GNB1: variants seen among roughly 807,000 people sequenced by gnomAD.
The protein encoded by GNB1 is guanine nucleotide-binding protein G(I)/G(S)/G(T) subunit beta-1.
GNB1 carries 2 observed loss-of-function variants against 42.9 expected under a neutral mutation model. That is an observed-to-expected ratio of 0.05 (90% CI 0.02 to 0.15). The LOEUF (loss-of-function observed/expected upper bound fraction) is 0.15, where lower values mean the gene tolerates loss of function less well. Among genes scored for constraint, GNB1 ranks in the 10% least tolerant of loss-of-function variants. The pLI is 1.00. For missense variants in GNB1, 193 were observed against 462.2 expected, an observed-to-expected ratio of 0.42 and a Z score of 5.34; for synonymous variants, 183 against 174.7, an observed-to-expected ratio of 1.05 and a Z score of -0.38.
Position 1,785,816 on chromosome 1 carries a change from A to G in GNB1, c.*1247T>C, listed in dbSNP as rs932268732. The G allele has an allele frequency of 3.3e-5, 10 of 304,894 alleles. No homozygotes were observed. Among genetic ancestry groups the G allele is most frequent in the Non-Finnish European group, 6.0e-5 (10 of 167,660 alleles). 18.9% of individuals were successfully genotyped at this position (304,894 alleles called of 1,614,324 possible). ...TTTGCAACAGAACTTTTTTTTTTTT[A>G]AAGAAATAAAGAAAACAGTGACTTA... On this transcript the variant is annotated 3_prime_UTR_variant, in exon 12 of 12. Transcript: ENST00000378609.
chr1:1,807,555 A>G (rs1031716992), intron 5 of GNB1, among the ~76,000 whole-genome samples: 3 of 151,226 alleles, frequency 2.0e-5, no homozygotes, highest in African/African-American at 7.3e-5. Context: ...CTCACCCAAA[A>G]TACCCCATGA....
At chr1:1,889,784 T>C (rs1650369340) in intron 1 of GNB1, among the ~76,000 whole-genome samples, 1 of 151,974 alleles carries the variant, frequency 6.6e-6, no homozygotes. Flanking sequence ...TTGAATCAAC[T>C]ATCGATTCAC....
intron 1 of GNB1, among the ~76,000 whole-genome samples, chr1:1,850,256 G>A (rs540666428): frequency 2.6e-5 from 4 of 151,984 alleles, no homozygotes; most frequent in South Asian, 4.2e-4. Flanking sequence ...TCAACCTCTC[G>A]AGTAGCTGGG....
At chr1:1,882,341 G>A (rs758600732) in intron 1 of GNB1, among the ~76,000 whole-genome samples, 71 of 147,738 alleles carry the variant, frequency 4.8e-4, no homozygotes, top group Non-Finnish European at 9.3e-4. Flanking sequence ...GGCAGGAGAA[G>A]CGCCTGAACC....
intron 7 of GNB1, among the ~76,000 whole-genome samples, chr1:1,804,180 C>G (rs1036823838): frequency 2.6e-5 from 4 of 151,608 alleles, no homozygotes; most frequent in African/African-American, 9.7e-5. Context: ...GCCTGTAGTC[C>G]CAGCTACTCA....
chr1:1,802,013 A>T (rs905890209), intron 7 of GNB1, among the ~76,000 whole-genome samples: 2 of 152,234 alleles, frequency 1.3e-5, no homozygotes, highest in Admixed American at 6.5e-5. Flanking sequence ...AGGGTCAATT[A>T]ATCACAAAGA....
intron 1 of GNB1, among the ~76,000 whole-genome samples, chr1:1,884,154 G>T: frequency 6.9e-6 from 1 of 144,654 alleles, no homozygotes. Flanking sequence ...TTTTTGAGAT[G>T]GAGTTTCCTT....
At chr1:1,878,829 C>T (rs1217476943) in intron 1 of GNB1, among the ~76,000 whole-genome samples, 1 of 152,158 alleles carries the variant, frequency 6.6e-6, no homozygotes, top group Non-Finnish European at 1.5e-5. Flanking sequence ...CTTCTCTCTC[C>T]GACTACTTTC....
chr1:1,827,355 C>G (rs776280732), intron 2 of GNB1, among the ~76,000 whole-genome samples: 1 of 152,198 alleles, frequency 6.6e-6, no homozygotes, highest in Non-Finnish European at 1.5e-5. Context: ...CACAGCAACA[C>G]GGTGTCAGAA....
intron 5 of GNB1, among the ~76,000 whole-genome samples, chr1:1,814,797 CAAAA>C (rs66588627): frequency 2.6e-5 from 2 of 77,610 alleles, no homozygotes. Flanking sequence ...GACCCTGTCT[CAAAA>C]AAAAAAAAAA....
intron 1 of GNB1, among the ~76,000 whole-genome samples, chr1:1,845,486 T>C (rs1028043653): frequency 2.6e-5 from 4 of 152,056 alleles, no homozygotes; most frequent in African/African-American, 9.7e-5. Context: ...GGCAGGAGAA[T>C]GGCGTGAACC....
rs999062423 is a variant in GNB1 at position 1,785,573 on chromosome 1, G to A, written c.*1490C>T. 1 of 168,496 alleles carries A rather than the reference G, an allele frequency of 5.9e-6. No homozygotes were observed. The highest frequency in any genetic ancestry group is 1.3e-5 in the Non-Finnish European group (1 of 79,314). The allele number at this position is 168,496 out of a possible 1,614,324, so 10.4% of individuals were successfully genotyped here. On this transcript the variant is annotated 3_prime_UTR_variant, in exon 12 of 12. Transcript: ENST00000378609. ...AGAAGCCACTACTGCTGCTATGAAG[G>A]AGTGCGGGGGGCGGGGCGGGGGGTC...
At position 1,790,279 on chromosome 1, in the gene GNB1, G is replaced by A. The variant is rs1258726695; in HGVS notation, c.699+116C>T. The A allele has an allele frequency of 8.5e-6, 6 of 708,568 alleles. No individual in the cohort carries two copies. The highest frequency in any genetic ancestry group is 1.8e-5 in the African/African-American group (1 of 56,888). 43.9% of individuals were successfully genotyped at this position (708,568 alleles called of 1,614,324 possible). ...TTTCTGTATCCCCATCTGTACATGA[G>A]GTTGTATAAGGATCAGAAAGGAGAA... On this transcript the variant is annotated intron_variant, in intron 9 of 11. Coordinates refer to ENST00000378609, the MANE Select transcript of GNB1 (RefSeq NM_002074.5). The surrounding 1 kb of genome is among the most constrained non-coding windows in gnomAD (Gnocchi z 5.4).
Position 1,787,588 on chromosome 1 carries a change from G to C in GNB1, c.917-151C>G, listed in dbSNP as rs549039199. On this transcript the variant is annotated intron_variant, in intron 10 of 11. Coordinates refer to ENST00000378609, the MANE Select transcript of GNB1 (RefSeq NM_002074.5). The surrounding 1 kb of genome is among the most constrained non-coding windows in gnomAD (Gnocchi z 4.4). ...GGAAGGGAGGGAAAGTTGCATCCAC[G>C]TGGGGAATTAACCTGCAGCATATGG... 3.6e-6 allele frequency: 2 copies of C among 560,236 alleles called. No individual in the cohort carries two copies. The highest frequency in any genetic ancestry group is 3.3e-5 in the Admixed American group (1 of 29,912). The allele number at this position is 560,236 out of a possible 1,614,324, so 34.7% of individuals were successfully genotyped here.
rs1378376035 is a variant in GNB1, at chr1:1,877,310, A to T, written c.-96+13510T>A. Among the ~76,000 whole-genome samples, 1,268 of 142,940 alleles carry T rather than the reference A, an allele frequency of 8.9e-3. 8 individuals are homozygous for T. The highest frequency in any genetic ancestry group is 0.014 in the Non-Finnish European group (912 of 64,992). 93.8% of individuals were successfully genotyped at this position (142,940 alleles called of 152,430 possible). A position where few individuals can be genotyped will look rare whatever the true frequency, so the allele number is the denominator to read the frequency against. On this transcript the variant is annotated intron_variant, in intron 1 of 11. Transcript: ENST00000378609. Reference sequence around the variant, plus strand: ...TGAGACTCTGTCTCAAAAAAAAAAAAAAAAAAATATATATATATATACACA... The same window carrying T: ...TGAGACTCTGTCTCAAAAAAAAAAATAAAAAAATATATATATATATACACA...
intron 7 of GNB1, among the ~76,000 whole-genome samples, chr1:1,799,576 G>C (rs1557886458): frequency 6.6e-6 from 1 of 152,210 alleles, no homozygotes; most frequent in Non-Finnish European, 1.5e-5. Context: ...GACTCCCAGC[G>C]ATGGCCAGGG....
intron 1 of GNB1, among the ~76,000 whole-genome samples, chr1:1,874,605 T>TAAAAAAAA (rs34864042): frequency 2.1e-5 from 1 of 46,998 alleles, no homozygotes; most frequent in African/African-American, 8.7e-5. Context: ...AGACTCCATC[T>TAAAAAAAA]AAAAAAAAAA....
At chr1:1,885,723 AT>A (rs1650115370) in intron 1 of GNB1, among the ~76,000 whole-genome samples, 1 of 150,866 alleles carries the variant, frequency 6.6e-6, no homozygotes. Flanking sequence ...CACCCAGCTA[AT>A]TTTTTTGGTA....
intron 1 of GNB1, among the ~76,000 whole-genome samples, chr1:1,881,806 C>A (rs958662846): frequency 1.3e-5 from 2 of 152,154 alleles, no homozygotes; most frequent in African/African-American, 4.8e-5. Flanking sequence ...TGCTCTTATG[C>A]GCTTGATAAA....
Sources: allele counts gnomAD v4.1 joint callset (sites outside exome capture counted in the v4.1 genomes callset), GRCh38; gene constraint gnomAD v4.1.1; non-coding constraint Gnocchi (gnomAD v3.1); transcripts MANE v1.5; gene names NCBI Gene and HGNC (gene_info 2026-07-23, HGNC 2026-07-21).